GPR158: variants seen among roughly 807,000 people sequenced by gnomAD.
GPR158 encodes G protein-coupled receptor 158, also known as metabotropic glycine receptor.
A neutral mutation model predicts 78.2 loss-of-function variants in GPR158; 30 were observed. The ratio of observed to expected loss-of-function variants is 0.38; its 90% CI spans 0.29 to 0.52. GPR158 has a LOEUF of 0.52. Ranked by LOEUF, GPR158 falls within the 20% of genes least tolerant of loss-of-function variation. The probability of loss-of-function intolerance (pLI) is 0.83; values close to 1 mark genes in which losing one functional copy is unlikely to be tolerated. For missense variants in GPR158, 1,463 were observed against 1,523.5 expected, an observed-to-expected ratio of 0.96 and a Z score of 0.66; for synonymous variants, 581 against 591.1, an observed-to-expected ratio of 0.98 and a Z score of 0.25.
chr10:25,376,535 T>G (rs2130558883), intron 2 of GPR158, among the ~76,000 whole-genome samples: 1 of 151,810 alleles, frequency 6.6e-6, no homozygotes, highest in Non-Finnish European at 1.5e-5. Context: ...TGTCAGTGAT[T>G]TAAACCATAC....
chr10:25,176,146 G>C lies in GPR158; in HGVS notation c.726G>C (p.Gly242=). 6.4e-7 allele frequency: 1 copy of C among 1,571,540 alleles called. No homozygotes were observed. The highest frequency in any genetic ancestry group is 2.3e-5 in the East Asian group (1 of 43,350). ...PHLHRRGPNQ[G]PRGLGHSWRR... The stretch of plus-strand genomic sequence containing the variant: ...TACACCGCCGCGGCCCCAATCAGGG[G>C]CCCCGGGGCCTGGGCCACAGCTGGC... The change falls in exon 1 of 11, where the codon GGG becomes GGC. Residue 242 remains glycine (G), a synonymous_variant. Coordinates refer to ENST00000376351, the MANE Select transcript of GPR158 (RefSeq NM_020752.3). This position sits in a 1 kb window ranked among gnomAD's most constrained non-coding sequence, Gnocchi z 6.3.
At chr10:25,558,343 G>A (rs1288895750) in intron 6 of GPR158, among the ~76,000 whole-genome samples, 1 of 152,194 alleles carries the variant, frequency 6.6e-6, no homozygotes, top group Non-Finnish European at 1.5e-5. Context: ...TTCTTCGTTA[G>A]CAACTCTCTG....
chr10:25,372,088 C>CA (rs1412448567), intron 2 of GPR158, among the ~76,000 whole-genome samples: 4 of 61,640 alleles, frequency 6.5e-5, no homozygotes, highest in Admixed American at 4.6e-4. Context: ...TTTATGCAGC[C>CA]AAAAAACACA....
chr10:25,525,335 G>C (rs566881299), intron 5 of GPR158, among the ~76,000 whole-genome samples: 3 of 152,238 alleles, frequency 2.0e-5, no homozygotes, highest in Admixed American at 2.0e-4. Context: ...ATGAATCTTC[G>C]TAGCTACATA....
At chr10:25,579,507 G>C (rs1466211512) in intron 7 of GPR158, among the ~76,000 whole-genome samples, 1 of 152,112 alleles carries the variant, frequency 6.6e-6, no homozygotes, top group African/African-American at 2.4e-5. Flanking sequence ...ATATGTAGTT[G>C]GATAGCACTC....
intron 5 of GPR158, among the ~76,000 whole-genome samples, chr10:25,544,505 G>A (rs187719240): frequency 8.6e-4 from 131 of 152,138 alleles, no homozygotes; most frequent in Admixed American, 5.4e-3. Flanking sequence ...TTATCAGTGC[G>A]TATGTGTTGG....
chr10:25,320,048 C>T (rs899284531), intron 2 of GPR158, among the ~76,000 whole-genome samples: 4 of 152,148 alleles, frequency 2.6e-5, no homozygotes, highest in African/African-American at 9.7e-5. Context: ...TTATGATCCA[C>T]CCTAATCCAG....
intron 4 of GPR158, among the ~76,000 whole-genome samples, chr10:25,435,728 GTTGA>G (rs1162035504): frequency 1.3e-4 from 20 of 152,198 alleles, no homozygotes; most frequent in African/African-American, 4.6e-4. Context: ...AGGTGGTCCT[GTTGA>G]TTGATTATTA....
In GPR158 at chr10:25,189,332, C is replaced by T. The variant is rs552768950; in HGVS notation, c.902+13010C>T. On this transcript the variant is annotated intron_variant, in intron 1 of 10. Coordinates refer to ENST00000376351, the MANE Select transcript of GPR158 (RefSeq NM_020752.3). ...TCATGCTGCTATAAAGGCACATGCACACTTGTATTTATTGCAGCACTATTC... is the reference window on the plus strand; with the variant it reads ...TCATGCTGCTATAAAGGCACATGCATACTTGTATTTATTGCAGCACTATTC... 2.6e-5 allele frequency among the ~76,000 whole-genome samples: 4 copies of T among 152,286 alleles called. No individual in the cohort carries two copies. In the South Asian group the frequency reaches 6.2e-4, roughly 24 times the overall value.
chr10:25,387,225 A>G (rs564337601), intron 2 of GPR158, among the ~76,000 whole-genome samples: 1 of 152,266 alleles, frequency 6.6e-6, no homozygotes, highest in East Asian at 1.9e-4. Context: ...GCATCACTTG[A>G]GATGATCGTT....
At chr10:25,495,877 G>A (rs1400270773) in intron 5 of GPR158, among the ~76,000 whole-genome samples, 2 of 151,956 alleles carry the variant, frequency 1.3e-5, no homozygotes, top group Non-Finnish European at 2.9e-5. Flanking sequence ...TTCCTTTAGA[G>A]CAGGATTTTT....
At chr10:25,420,642 T>C (rs962691532) in intron 4 of GPR158, among the ~76,000 whole-genome samples, 1 of 152,066 alleles carries the variant, frequency 6.6e-6, no homozygotes, top group Non-Finnish European at 1.5e-5. Flanking sequence ...TTTTTATGTA[T>C]AGTATAAGAT....
At chr10:25,367,822 G>C (rs573006912) in intron 2 of GPR158, among the ~76,000 whole-genome samples, 8 of 151,232 alleles carry the variant, frequency 5.3e-5, no homozygotes, top group South Asian at 4.2e-4. Flanking sequence ...GATCTACTTT[G>C]TTTGATATTA....
At chr10:25,302,754 G>A (rs7093651) in intron 2 of GPR158, among the ~76,000 whole-genome samples, 30,705 of 152,068 alleles carry the variant, frequency 0.2, 5,220 homozygotes, top group African/African-American at 0.47. Flanking sequence ...TTCTAAGTCA[G>A]TGCTATCTAA....
chr10:25,275,965 T>G (rs1854178062), intron 2 of GPR158, among the ~76,000 whole-genome samples: 1 of 152,188 alleles, frequency 6.6e-6, no homozygotes, highest in Admixed American at 6.6e-5. Flanking sequence ...GAAAATTGTT[T>G]TGTAGCTTGT....
chr10:25,431,934 A>T (rs1442126192), intron 4 of GPR158, among the ~76,000 whole-genome samples: 1 of 152,114 alleles, frequency 6.6e-6, no homozygotes, highest in Non-Finnish European at 1.5e-5. Context: ...GCACACCAGC[A>T]TGGCACATGT....
chr10:25,351,093 C>T (rs1463519854), intron 2 of GPR158, among the ~76,000 whole-genome samples: 1 of 151,858 alleles, frequency 6.6e-6, no homozygotes, highest in Non-Finnish European at 1.5e-5. Flanking sequence ...AGCCTGTGAG[C>T]CTGAACGCGT....
intron 9 of GPR158, among the ~76,000 whole-genome samples, chr10:25,595,886 G>C (rs1271444466): frequency 6.6e-6 from 1 of 152,158 alleles, no homozygotes; most frequent in African/African-American, 2.4e-5. Flanking sequence ...TTTATAGTAT[G>C]TGTGTGAATT....
chr10:25,540,320 T>A (rs1303081674), intron 5 of GPR158, among the ~76,000 whole-genome samples: 3 of 152,072 alleles, frequency 2.0e-5, no homozygotes, highest in Non-Finnish European at 2.9e-5. Flanking sequence ...CATGGAGAAA[T>A]AGGAACACTT....
Sources: allele counts gnomAD v4.1 joint callset (sites outside exome capture counted in the v4.1 genomes callset), GRCh38; gene constraint gnomAD v4.1.1; non-coding constraint Gnocchi (gnomAD v3.1); transcripts MANE v1.5; gene names NCBI Gene and HGNC (gene_info 2026-07-23, HGNC 2026-07-21).